YEATS4: variants seen among roughly 807,000 people sequenced by gnomAD.
YEATS4 encodes the protein YEATS domain containing 4.
YEATS4 carries 17 observed loss-of-function variants against 30.1 expected under a neutral mutation model. The observed-to-expected ratio is 0.56, with a 90% CI of 0.39 to 0.85. The LOEUF is 0.85. Among genes scored for constraint, YEATS4 ranks in the 40% least tolerant of loss-of-function variants. The pLI is 0.00. For synonymous variants in YEATS4, 85 were observed against 87.5 expected (o/e 0.97, Z 0.16); for missense variants, 142 against 268.3 (o/e 0.53, Z 3.29).
chr12:69,378,392 ATAAG>A (rs35006015), intron 6 of YEATS4, among the ~76,000 whole-genome samples: 8,763 of 152,118 alleles, frequency 0.058, 484 homozygotes, highest in East Asian at 0.28. Flanking sequence ...ATTAGTATTG[ATAAG>A]TAAGGACTTC....
At chr12:69,406,739 A>G in the YEATS4 span, among the ~76,000 whole-genome samples, 1 of 152,182 alleles carries the variant, frequency 6.6e-6, no homozygotes, top group East Asian at 1.9e-4. Context: ...AGAACTGCAT[A>G]TTAGTCCATT....
chr12:69,407,158 A>G, the YEATS4 span, among the ~76,000 whole-genome samples: 1 of 146,846 alleles, frequency 6.8e-6, no homozygotes, highest in South Asian at 2.1e-4. Context: ...TTTTTTTTCT[A>G]GAATCAAGAA....
intron 1 of YEATS4, 143 bp downstream of exon 1, chr12:69,360,166 A>G (rs1875134793): frequency 1.1e-6 from 1 of 923,576 alleles, no homozygotes; most frequent in Non-Finnish European, 1.5e-6. Context: ...AGAGCGAGTC[A>G]GAGCCATTGA....
At chr12:69,423,184 A>G in the YEATS4 span, among the ~76,000 whole-genome samples, 1 of 152,184 alleles carries the variant, frequency 6.6e-6, no homozygotes, top group Admixed American at 6.5e-5. Flanking sequence ...CCAGCAACAA[A>G]TCAAACCAAT....
intron 6 of YEATS4, among the ~76,000 whole-genome samples, chr12:69,374,617 A>G (rs1486508138): frequency 6.6e-6 from 1 of 151,700 alleles, no homozygotes; most frequent in Non-Finnish European, 1.5e-5. Context: ...GCCTTCAAGC[A>G]TCTGTTTAAC....
the YEATS4 span, among the ~76,000 whole-genome samples, chr12:69,418,244 A>T: frequency 1.3e-5 from 2 of 152,118 alleles, no homozygotes; most frequent in African/African-American, 4.8e-5. Context: ...ATTATTTACT[A>T]GCCAGCCTGG....
At chr12:69,423,157 C>G in the YEATS4 span, among the ~76,000 whole-genome samples, 2 of 152,194 alleles carry the variant, frequency 1.3e-5, no homozygotes, top group Non-Finnish European at 2.9e-5. Flanking sequence ...GAAATGGTCC[C>G]CAGGGTCAGG....
intron 2 of YEATS4, among the ~76,000 whole-genome samples, chr12:69,364,647 TTCTC>T (rs1424197004): frequency 1.3e-5 from 2 of 152,224 alleles, no homozygotes; most frequent in Non-Finnish European, 2.9e-5. Flanking sequence ...GAGATGGAGT[TTCTC>T]TCTTATTGCC....
the YEATS4 span, among the ~76,000 whole-genome samples, chr12:69,407,700 GTCTTTTTTTTTTTTTTT>G: frequency 1.7e-5 from 1 of 60,474 alleles, no homozygotes; most frequent in Admixed American, 2.0e-4. Flanking sequence ...AATACTTTTT[GTCTTTTTTTTTTTTTTT>G]TTTTTTTTTT....
At position 69,390,498 on chromosome 12, in the gene YEATS4, G is replaced by T. The variant is rs1868305158; in HGVS notation, c.*182G>T. 1 of 460,084 alleles carries T rather than the reference G, an allele frequency of 2.2e-6. No homozygotes were observed. The highest frequency in any genetic ancestry group is 5.0e-5 in the South Asian group (1 of 19,892). 28.5% of individuals were successfully genotyped at this position (460,084 alleles called of 1,614,324 possible). On this transcript the variant is annotated 3_prime_UTR_variant, in exon 7 of 7. Coordinates refer to ENST00000247843, the MANE Select transcript of YEATS4 (RefSeq NM_006530.4). ...AAGCAATCTTTAATGGAAAATATGT[G>T]TGTAAGAATGGATGCTATATAGGTA...
At chr12:69,364,594 T>G (rs181382385) in intron 2 of YEATS4, among the ~76,000 whole-genome samples, 15 of 152,310 alleles carry the variant, frequency 9.8e-5, no homozygotes, top group East Asian at 5.8e-4. Context: ...TTGCTTTAAA[T>G]TAGTTGTCCT....
In YEATS4 at chr12:69,376,985, G is replaced by C. The variant is rs1418088539; in HGVS notation, c.514+6010G>C. On this transcript the variant is annotated intron_variant, in intron 6 of 6. Transcript: ENST00000247843. The stretch of plus-strand genomic sequence containing the variant: ...TTCTTCTAGATTTTCTAATTTATTG[G>C]CATATAATTGCTCATAGTGGCCACT... 2.0e-5 allele frequency among the ~76,000 whole-genome samples: 3 copies of C among 152,124 alleles called. No individual in the cohort carries two copies. The East Asian group carries it at 5.8e-4, about 29-fold the overall frequency.
intron 6 of YEATS4, among the ~76,000 whole-genome samples, chr12:69,380,211 T>C (rs976878282): frequency 1.3e-5 from 2 of 152,244 alleles, no homozygotes; most frequent in African/African-American, 4.8e-5. Flanking sequence ...CTTTGTAATC[T>C]AGGTTTGTTG....
chr12:69,420,826 C>T, the YEATS4 span, among the ~76,000 whole-genome samples: 1 of 152,184 alleles, frequency 6.6e-6, no homozygotes, highest in African/African-American at 2.4e-5. Flanking sequence ...CTCCCAGCCC[C>T]CAGTGCTCAC....
chr12:69,366,480 G>C (rs1875439510), intron 4 of YEATS4, among the ~76,000 whole-genome samples: 1 of 152,124 alleles, frequency 6.6e-6, no homozygotes. Flanking sequence ...AGGCTCAGAG[G>C]TCAAGTCACT....
At chr12:69,410,506 A>G in the YEATS4 span, among the ~76,000 whole-genome samples, 169 of 152,338 alleles carry the variant, frequency 1.1e-3, 3 homozygotes, top group Middle Eastern at 3.4e-3. Flanking sequence ...TCAGGCAAAA[A>G]TTATTATATG....
At chr12:69,391,895 A>G (rs1324364513), downstream of YEATS4, among the ~76,000 whole-genome samples, 1 of 152,168 alleles carries the variant, frequency 6.6e-6, no homozygotes, top group Non-Finnish European at 1.5e-5. Flanking sequence ...TTGGTTCATA[A>G]AACTAAAGTC....
intron 1 of YEATS4, 39 bp downstream of exon 1, chr12:69,360,062 C>G: frequency 6.2e-7 from 1 of 1,605,218 alleles, no homozygotes; most frequent in Non-Finnish European, 8.5e-7. Context: ...GGTGGCTCTC[C>G]CGCCTCGGTT....
chr12:69,405,983 T>C, the YEATS4 span, among the ~76,000 whole-genome samples: 5 of 152,344 alleles, frequency 3.3e-5, no homozygotes, highest in African/African-American at 9.6e-5. Flanking sequence ...CAACTCTACA[T>C]CATTTAAAAC....
Sources: allele counts gnomAD v4.1 joint callset (sites outside exome capture counted in the v4.1 genomes callset), GRCh38; gene constraint gnomAD v4.1.1; transcripts MANE v1.5; gene names NCBI Gene and HGNC (gene_info 2026-07-23, HGNC 2026-07-21).